The following CDH12 variants were observed in gnomAD, a reference collection of about 807,000 sequenced individuals.
CDH12 encodes cadherin-12.
CDH12 carries 41 observed loss-of-function variants against 74.1 expected under a neutral mutation model. The observed-to-expected ratio is 0.55, with a 90% CI of 0.43 to 0.72. CDH12 has a LOEUF of 0.72. Among genes scored for constraint, CDH12 ranks in the 30% least tolerant of loss-of-function variants. CDH12 has a pLI of 0.00. For synonymous variants in CDH12, 399 were observed against 355.0 expected, an observed-to-expected ratio of 1.12 and a Z score of -1.39; for missense variants, 945 against 977.2, an observed-to-expected ratio of 0.97 and a Z score of 0.44.
intron 1 of CDH12, among the ~76,000 whole-genome samples, chr5:22,707,879 T>C (rs1396432382): frequency 6.6e-6 from 1 of 152,156 alleles, no homozygotes; most frequent in Non-Finnish European, 1.5e-5. Context: ...TGGCAGGCAC[T>C]AAACTAGCCT....
intron 13 of CDH12, among the ~76,000 whole-genome samples, chr5:21,757,461 A>G (rs1211690050): frequency 2.6e-5 from 4 of 152,140 alleles, no homozygotes; most frequent in Non-Finnish European, 4.4e-5. Flanking sequence ...ACCCAGCCCA[A>G]TTTATTATTT....
At chr5:22,848,988 T>TG (rs1737429206) in intron 1 of CDH12, among the ~76,000 whole-genome samples, 4 of 141,964 alleles carry the variant, frequency 2.8e-5, no homozygotes, top group African/African-American at 1.0e-4. Context: ...CATCAAAAAA[T>TG]GTTTTTTTTT....
chr5:22,357,363 T>C (rs765556680), intron 3 of CDH12, among the ~76,000 whole-genome samples: 4 of 152,108 alleles, frequency 2.6e-5, no homozygotes, highest in Non-Finnish European at 5.9e-5. Flanking sequence ...TTGAAAGAGA[T>C]TGCTTAGATT....
intron 3 of CDH12, chr5:22,278,055 A>T (rs1282620028): frequency 6.6e-6 from 1 of 152,200 alleles, no homozygotes; most frequent in East Asian, 1.9e-4. Context: ...GGGACATTCG[A>T]CTTATACCTG....
intron 1 of CDH12, among the ~76,000 whole-genome samples, chr5:22,801,743 A>C (rs1032452878): frequency 4.7e-5 from 7 of 148,220 alleles, no homozygotes; most frequent in Non-Finnish European, 7.4e-5. Flanking sequence ...GTCTTCAAAA[A>C]GATGGGTGTT....
intron 3 of CDH12, among the ~76,000 whole-genome samples, chr5:22,238,802 T>A (rs1580435897): frequency 6.6e-6 from 1 of 152,230 alleles, no homozygotes; most frequent in Non-Finnish European, 1.5e-5. Context: ...TAATCACATG[T>A]ATATGGCCAT....
chr5:22,483,860 G>A (rs1228705216), intron 2 of CDH12, among the ~76,000 whole-genome samples: 1 of 145,998 alleles, frequency 6.8e-6, no homozygotes, highest in Non-Finnish European at 1.5e-5. Flanking sequence ...ATTGGAGGTT[G>A]TAGTGAGCTA....
chr5:22,641,217 G>A (rs1739132206), intron 1 of CDH12, among the ~76,000 whole-genome samples: 1 of 152,110 alleles, frequency 6.6e-6, no homozygotes, highest in Non-Finnish European at 1.5e-5. Context: ...AATTCCAAAG[G>A]TCTCAGAACC....
intron 10 of CDH12, among the ~76,000 whole-genome samples, chr5:21,783,858 G>C (rs1463340590): frequency 6.6e-6 from 1 of 152,116 alleles, no homozygotes; most frequent in East Asian, 1.9e-4. Context: ...ATGGGGTTGA[G>C]AGAAGCACTG....
intron 2 of CDH12, among the ~76,000 whole-genome samples, chr5:22,498,603 C>T (rs1747201672): frequency 6.6e-6 from 1 of 151,678 alleles, no homozygotes; most frequent in African/African-American, 2.4e-5. Flanking sequence ...TGTTTACAAA[C>T]ATATTTGAAA....
At chr5:22,116,864 CTTTTTTTTTTTT>C (rs70957090) in intron 4 of CDH12, among the ~76,000 whole-genome samples, 4 of 108,040 alleles carry the variant, frequency 3.7e-5, no homozygotes, top group Non-Finnish European at 3.7e-5. Context: ...CTGCAAGTCT[CTTTTTTTTTTTT>C]TTTTTTTTTT....
chr5:22,367,937 A>G (rs1008177616), intron 3 of CDH12, among the ~76,000 whole-genome samples: 2 of 152,312 alleles, frequency 1.3e-5, no homozygotes, highest in Middle Eastern at 3.4e-3. Context: ...CTGAAAATAA[A>G]TAAACTATAT....
In CDH12 at chr5:22,185,692, G is replaced by T. The variant is rs576647555; in HGVS notation, c.-187+26806C>A. On this transcript the variant is annotated intron_variant, in intron 4 of 14. Transcript: ENST00000382254. ...AGGGAAGATGCTTCATGGGACAAAA[G>T]AAATCTGACAAAGCAGCAAGATTTT... Among the ~76,000 whole-genome samples the T allele has an allele frequency of 5.3e-5, 8 of 152,254 alleles. No individual in the cohort carries two copies. In the East Asian group the frequency reaches 1.5e-3, roughly 29 times the overall value.
At chr5:22,535,331 T>A (rs546204579) in intron 1 of CDH12, among the ~76,000 whole-genome samples, 10 of 151,828 alleles carry the variant, frequency 6.6e-5, no homozygotes, top group Non-Finnish European at 1.5e-4. Context: ...ATTTTTTTTG[T>A]ATTTTTAGTA....
intron 1 of CDH12, among the ~76,000 whole-genome samples, chr5:22,591,697 C>T (rs1245874885): frequency 6.6e-6 from 1 of 152,118 alleles, no homozygotes; most frequent in East Asian, 1.9e-4. Context: ...CCAAGTCATA[C>T]CAAAGAGTTT....
intron 3 of CDH12, among the ~76,000 whole-genome samples, chr5:22,404,143 T>C (rs751100775): frequency 1.3e-5 from 2 of 151,988 alleles, no homozygotes; most frequent in Non-Finnish European, 2.9e-5. Flanking sequence ...ATTAGGAAGC[T>C]CTAAGTCAAT....
At chr5:21,978,963 G>A (rs973856089) in intron 5 of CDH12, among the ~76,000 whole-genome samples, 42 of 146,444 alleles carry the variant, frequency 2.9e-4, no homozygotes, top group African/African-American at 1.1e-3. Flanking sequence ...TGTGAAGGAA[G>A]TTCTTAGCCT....
At chr5:22,343,933 T>C (rs139225194) in intron 3 of CDH12, among the ~76,000 whole-genome samples, 169 of 152,360 alleles carry the variant, frequency 1.1e-3, no homozygotes, top group Middle Eastern at 6.8e-3. Flanking sequence ...AAATTCACTG[T>C]GTTTTTGTTT....
chr5:21,796,746 G>A (rs951907637), intron 10 of CDH12, among the ~76,000 whole-genome samples: 2 of 151,968 alleles, frequency 1.3e-5, no homozygotes, highest in African/African-American at 4.8e-5. Flanking sequence ...GGTACATATT[G>A]AGCAAAATTA....
Sources: allele counts gnomAD v4.1 joint callset (sites outside exome capture counted in the v4.1 genomes callset), GRCh38; gene constraint gnomAD v4.1.1; transcripts MANE v1.5; gene names NCBI Gene and HGNC (gene_info 2026-07-23, HGNC 2026-07-21).